ABCA13: variants seen among roughly 807,000 people sequenced by gnomAD.
ABCA13 encodes ATP binding cassette subfamily A member 13, also known as ATP-binding cassette sub-family A member 13.
ABCA13 carries 476 observed loss-of-function variants against 478.7 expected under a neutral mutation model. That is an observed-to-expected ratio of 0.99 (90% CI 0.92 to 1.07). The LOEUF is 1.07. ABCA13 is among the 50% of genes least tolerant of loss of function. ABCA13 has a pLI of 0.00. For synonymous variants in ABCA13, 2,252 were observed against 2,158.9 expected (o/e 1.04, Z -1.20); for missense variants, 6,060 against 5,910.6 (o/e 1.03, Z -0.83).
At chr7:48,569,539 T>C (rs1787402672) in intron 55 of ABCA13, among the ~76,000 whole-genome samples, 2 of 152,188 alleles carry the variant, frequency 1.3e-5, no homozygotes, top group South Asian at 4.1e-4. Context: ...TGTTTGTTTG[T>C]TTTTTGATGG....
intron 52 of ABCA13, among the ~76,000 whole-genome samples, chr7:48,517,691 C>CTGT (rs2130953804): frequency 6.6e-6 from 1 of 152,312 alleles, no homozygotes; most frequent in South Asian, 2.1e-4. Context: ...TCAGATTTTG[C>CTGT]ACTTTCCTCT....
intron 50 of ABCA13, among the ~76,000 whole-genome samples, chr7:48,509,081 C>T (rs1232093568): frequency 2.6e-5 from 4 of 152,150 alleles, no homozygotes; most frequent in African/African-American, 9.7e-5. Context: ...AGGGCCTATC[C>T]TTCGAGATTC....
chr7:48,330,030 T>TATCCATCCATCC (rs59122878), intron 27 of ABCA13, among the ~76,000 whole-genome samples: 2 of 139,618 alleles, frequency 1.4e-5, no homozygotes, highest in African/African-American at 2.7e-5. Flanking sequence ...TTGATCTATT[T>TATCCATCCATCC]ATCCATCCAT....
rs536454035 is a variant in ABCA13 at position 48,430,698 on chromosome 7, G to GTGATGTTTC, written c.12565+2828_12565+2836dup. On this transcript the variant is annotated intron_variant, in intron 42 of 61. Coordinates refer to ENST00000435803, the MANE Select transcript of ABCA13 (RefSeq NM_152701.5). ...AAAAAAAAAAAAAAAAAAGCCTGTA[G>GTGATGTTTC]TGATGTTTCACCTTTCATTTCCACT... 4.5e-3 allele frequency among the ~76,000 whole-genome samples: 668 copies of GTGATGTTTC among 146,870 alleles called. 4 individuals carry two copies. Among genetic ancestry groups the GTGATGTTTC allele is most frequent in the African/African-American group, 0.015 (605 of 40,016 alleles).
At position 48,241,030 on chromosome 7, in the gene ABCA13, C is replaced by G. The variant is rs1421499442; in HGVS notation, c.1226C>G (p.Ala409Gly). The G allele has an allele frequency of 1.2e-6, 2 of 1,614,030 alleles. No individual in the cohort carries two copies. Among genetic ancestry groups the G allele is most frequent in the East Asian group, 4.5e-5 (2 of 44,888 alleles). ...CTCCTGCTGAATGACAGCTTGTCAG[C>G]AGATGGCCCAAAAGATAATCATACA... ...ALLLLNDSLS[A>G]DGPKDNHTFP... is the part of the protein sequence containing the mutation. The change falls in exon 10 of 62, where the codon GCA (alanine) becomes GGA (glycine). Residue 409 changes from alanine to glycine, a missense_variant. Around this residue, in one of 3 missense-constraint regions of ABCA13, gnomAD observed 4,423 missense variants for 4,309.1 expected, o/e 1.03. Coordinates refer to ENST00000435803, the MANE Select transcript of ABCA13 (RefSeq NM_152701.5).
At chr7:48,182,291 AC>A (rs1334133833) in intron 1 of ABCA13, among the ~76,000 whole-genome samples, 4 of 152,238 alleles carry the variant, frequency 2.6e-5, no homozygotes, top group African/African-American at 4.8e-5. Context: ...TGCAGTTGAA[AC>A]AATATTAAAA....
At chr7:48,487,324 C>A (rs76406405) in intron 47 of ABCA13, among the ~76,000 whole-genome samples, 45,189 of 136,836 alleles carry the variant, frequency 0.33, 8,281 homozygotes, top group African/African-American at 0.52. Flanking sequence ...AAAAACAAAA[C>A]AAAACAAAAC....
chr7:48,539,997 A>T (rs1455467782), intron 55 of ABCA13, among the ~76,000 whole-genome samples: 3 of 152,202 alleles, frequency 2.0e-5, no homozygotes, highest in East Asian at 3.9e-4. Context: ...TTGAGAACAG[A>T]AAGTAGAGAA....
intron 60 of ABCA13, among the ~76,000 whole-genome samples, 200 bp from the exon 61 acceptor site, chr7:48,644,417 A>G (rs1795301440): frequency 6.6e-6 from 1 of 152,192 alleles, no homozygotes; most frequent in South Asian, 2.1e-4. Context: ...CAGAACAGCA[A>G]TGCCACTCAG....
chr7:48,372,410 C>T lies in ABCA13; in HGVS notation c.11046C>T (p.Thr3682=), dbSNP rs1434496745. The T allele has an allele frequency of 1.2e-6, 2 of 1,613,546 alleles. No homozygotes were observed. Among genetic ancestry groups the T allele is most frequent in the Non-Finnish European group, 1.7e-6 (2 of 1,179,834 alleles). Residue 3682 remains threonine (T), a synonymous_variant, in exon 33 of 62, where the codon ACC becomes ACT. Coordinates refer to ENST00000435803, the MANE Select transcript of ABCA13 (RefSeq NM_152701.5). ...AAGCTAATACAGCGGCCCTTTGTAC[C>T]AGCCTGGTGTACATGATCAGCTTTC... ...FSQANTAALC[T]SLVYMISFLP... is the part of the protein sequence containing the mutation.
At chr7:48,394,352 A>G (rs1816518811) in intron 38 of ABCA13, among the ~76,000 whole-genome samples, 1 of 152,084 alleles carries the variant, frequency 6.6e-6, no homozygotes, top group African/African-American at 2.4e-5. Flanking sequence ...TGGATCCCTG[A>G]GCACACTGAA....
intron 39 of ABCA13, among the ~76,000 whole-genome samples, chr7:48,407,148 A>G: frequency 6.6e-6 from 1 of 152,106 alleles, no homozygotes; most frequent in South Asian, 2.1e-4. Context: ...TGGGTTCTGC[A>G]TCTATGGGTT....
chr7:48,582,985 G>C (rs1332520625), intron 56 of ABCA13, among the ~76,000 whole-genome samples: 1 of 152,160 alleles, frequency 6.6e-6, no homozygotes, highest in Non-Finnish European at 1.5e-5. Context: ...TGGGATGCTA[G>C]AGAAAATGTG....
At chr7:48,459,787 A>C (rs1215359360) in intron 43 of ABCA13, among the ~76,000 whole-genome samples, 4 of 152,256 alleles carry the variant, frequency 2.6e-5, no homozygotes, top group African/African-American at 9.6e-5. Context: ...GTCTTCCAGA[A>C]ATTAACTTGG....
intron 55 of ABCA13, among the ~76,000 whole-genome samples, chr7:48,570,453 T>G (rs745357486): frequency 6.0e-5 from 9 of 150,646 alleles, no homozygotes; most frequent in African/African-American, 1.2e-4. Flanking sequence ...GCCTCCCAAG[T>G]AGCTGGGACT....
intron 3 of ABCA13, among the ~76,000 whole-genome samples, chr7:48,205,997 C>T (rs1007511264): frequency 6.6e-5 from 10 of 152,162 alleles, no homozygotes; most frequent in Admixed American, 5.2e-4. Context: ...CCTCAGAATT[C>T]TCCTGTGCTC....
Position 48,325,349 on chromosome 7 carries a change from A to G in ABCA13, c.9999+8053A>G, listed in dbSNP as rs766908332. Among the ~76,000 whole-genome samples, 80 of 152,306 alleles carry G rather than the reference A, an allele frequency of 5.3e-4. 2 individuals carry two copies. The highest frequency in any genetic ancestry group is 5.3e-4 in the Non-Finnish European group (36 of 68,022). On this transcript the variant is annotated intron_variant, in intron 27 of 61. Transcript: ENST00000435803. ...GCTATTGTGCAGAACCCTACCTTACATGAGGCATCAAAGCATTGGCATCCC... is the reference window on the plus strand; with the variant it reads ...GCTATTGTGCAGAACCCTACCTTACGTGAGGCATCAAAGCATTGGCATCCC...
intron 54 of ABCA13, among the ~76,000 whole-genome samples, chr7:48,526,889 G>A (rs182257421): frequency 1.3e-5 from 2 of 152,222 alleles, no homozygotes; most frequent in East Asian, 3.9e-4. Flanking sequence ...GGGAGCATAA[G>A]CATTGTCCCA....
At chr7:48,177,966 G>A (rs1795110671) in intron 1 of ABCA13, among the ~76,000 whole-genome samples, 1 of 152,176 alleles carries the variant, frequency 6.6e-6, no homozygotes, top group African/African-American at 2.4e-5. Context: ...TCTCAGGTTT[G>A]CTAAGAGCAG....
Sources: gnomAD v4.1 joint callset for allele counts (sites outside exome capture counted in the v4.1 genomes callset) on GRCh38, gnomAD v4.1.1 for gene constraint, gnomAD v4.1.1 regional missense constraint, MANE v1.5 for transcripts, NCBI Gene and HGNC (gene_info 2026-07-23, HGNC 2026-07-21) for gene names.